The following FSTL4 variants were observed in gnomAD, a reference collection of about 807,000 sequenced individuals.
FSTL4 encodes follistatin like 4.
In FSTL4, 28 loss-of-function variants were observed where a neutral mutation model predicts 78.2. The ratio of observed to expected loss-of-function variants is 0.36; its 90% CI spans 0.27 to 0.49. The LOEUF is 0.49. Among genes scored for constraint, FSTL4 ranks in the 20% least tolerant of loss-of-function variants. FSTL4 has a pLI of 0.98. For synonymous variants in FSTL4, 422 were observed against 440.5 expected (o/e 0.96, Z 0.53); for missense variants, 922 against 1,084.9 (o/e 0.85, Z 2.11).
At chr5:133,671,606 G>A in the FSTL4 span, among the ~76,000 whole-genome samples, 33,269 of 152,158 alleles carry the variant, frequency 0.22, 3,803 homozygotes, top group Middle Eastern at 0.42. Flanking sequence ...CCGAACAAAG[G>A]AGACAGGGTC....
intron 6 of FSTL4, among the ~76,000 whole-genome samples, chr5:133,298,908 G>A (rs1220586753): frequency 1.3e-5 from 2 of 152,360 alleles, no homozygotes; most frequent in East Asian, 1.9e-4. Context: ...GAGCCTTTGT[G>A]GTTGTGCCAT....
chr5:133,221,339 A>C (rs1751095401), intron 11 of FSTL4, among the ~76,000 whole-genome samples: 1 of 152,114 alleles, frequency 6.6e-6, no homozygotes, highest in Non-Finnish European at 1.5e-5. Context: ...CCCTTTGCCC[A>C]AACTCTGTCC....
At chr5:133,299,752 T>C (rs1333976552) in intron 6 of FSTL4, among the ~76,000 whole-genome samples, 1 of 152,084 alleles carries the variant, frequency 6.6e-6, no homozygotes, top group African/African-American at 2.4e-5. Context: ...TGGGAAGGTG[T>C]GTGCACATCT....
chr5:133,343,220 G>C (rs548765766), intron 4 of FSTL4, among the ~76,000 whole-genome samples: 4 of 152,384 alleles, frequency 2.6e-5, no homozygotes, highest in South Asian at 2.1e-4. Flanking sequence ...AAGAGAGAAA[G>C]TTCTGAGTCC....
the FSTL4 span, among the ~76,000 whole-genome samples, chr5:133,810,439 C>T: frequency 3.3e-5 from 5 of 152,166 alleles, no homozygotes; most frequent in Non-Finnish European, 5.9e-5. Context: ...TCTGAAGCTG[C>T]GTTGTTGTCT....
chr5:133,356,304 A>C (rs1216875183), intron 4 of FSTL4, among the ~76,000 whole-genome samples: 2 of 152,194 alleles, frequency 1.3e-5, no homozygotes, highest in South Asian at 2.1e-4. Context: ...TGTGGGCGCC[A>C]AGACAAATTT....
chr5:133,436,282 T>A (rs1757030180), intron 3 of FSTL4, among the ~76,000 whole-genome samples: 1 of 152,144 alleles, frequency 6.6e-6, no homozygotes, highest in African/African-American at 2.4e-5. Context: ...AAGGCTTTCC[T>A]AAGGAGGGGA....
intron 3 of FSTL4, 113 bp downstream of exon 3, chr5:133,567,073 A>G: frequency 2.5e-6 from 2 of 807,104 alleles, no homozygotes; most frequent in Non-Finnish European, 4.4e-6. Context: ...AAAAGGCCGC[A>G]TGAAATTTCA....
intron 1 of FSTL4, among the ~76,000 whole-genome samples, chr5:133,604,636 G>A (rs184835969): frequency 2.6e-5 from 4 of 152,192 alleles, no homozygotes; most frequent in African/African-American, 7.2e-5. Context: ...TTGAACTCGG[G>A]AGGCGGAGGT....
Position 133,516,513 on chromosome 5 carries a change from C to T in FSTL4, c.160+50673G>A, listed in dbSNP as rs543190779. Among the ~76,000 whole-genome samples, 286 of 152,166 alleles carry T rather than the reference C, an allele frequency of 1.9e-3. 2 individuals carry two copies. Among genetic ancestry groups the T allele is most frequent in the African/African-American group, 5.5e-3 (227 of 41,536 alleles). The stretch of plus-strand genomic sequence containing the variant: ...GAGAAAAACAGGAGGGTTGAGTAAA[C>T]GGAGAGACTCTGTGTCCCTGAATAG... On this transcript the variant is annotated intron_variant, in intron 3 of 15. Coordinates refer to ENST00000265342, the MANE Select transcript of FSTL4 (RefSeq NM_015082.2).
chr5:133,352,523 C>T (rs908034701), intron 4 of FSTL4, among the ~76,000 whole-genome samples: 1 of 152,040 alleles, frequency 6.6e-6, no homozygotes, highest in African/African-American at 2.4e-5. Context: ...GATCTTCCCA[C>T]CTCAGCCCCC....
intron 3 of FSTL4, among the ~76,000 whole-genome samples, chr5:133,545,712 G>A (rs1426486726): frequency 6.6e-6 from 1 of 152,172 alleles, no homozygotes; most frequent in Non-Finnish European, 1.5e-5. Context: ...ACAATTTTGT[G>A]AATTGTTCCA....
At chr5:133,207,148 T>C (rs2126766868) in intron 14 of FSTL4, among the ~76,000 whole-genome samples, 1 of 152,328 alleles carries the variant, frequency 6.6e-6, no homozygotes, top group East Asian at 1.9e-4. Context: ...GCTTTCTATG[T>C]TTTTATTAAA....
At chr5:133,653,186 A>T in the FSTL4 span, among the ~76,000 whole-genome samples, 1 of 152,172 alleles carries the variant, frequency 6.6e-6, no homozygotes, top group Non-Finnish European at 1.5e-5. Context: ...ACAATGATGT[A>T]CCTCTGCCTC....
chr5:133,709,158 A>G, the FSTL4 span, among the ~76,000 whole-genome samples: 1 of 152,358 alleles, frequency 6.6e-6, no homozygotes, highest in East Asian at 1.9e-4. Context: ...CCATCTCTTC[A>G]GATTACAGAC....
intron 6 of FSTL4, among the ~76,000 whole-genome samples, chr5:133,293,065 C>A (rs1000711557): frequency 6.6e-6 from 1 of 152,226 alleles, no homozygotes; most frequent in Admixed American, 6.5e-5. Context: ...CTATGGACTG[C>A]GGAGGACCGT....
At chr5:133,564,839 C>T (rs1305436715) in intron 3 of FSTL4, among the ~76,000 whole-genome samples, 7 of 152,164 alleles carry the variant, frequency 4.6e-5, no homozygotes, top group Non-Finnish European at 8.8e-5. Flanking sequence ...CCCCTACTGT[C>T]GCTAGTTCCC....
At chr5:133,652,953 C>T in the FSTL4 span, among the ~76,000 whole-genome samples, 5 of 152,188 alleles carry the variant, frequency 3.3e-5, no homozygotes, top group Non-Finnish European at 5.9e-5. Context: ...AAATTATCCA[C>T]AGACTGAGAT....
At chr5:133,751,221 A>G in the FSTL4 span, among the ~76,000 whole-genome samples, 3 of 152,168 alleles carry the variant, frequency 2.0e-5, no homozygotes, top group Non-Finnish European at 4.4e-5. Flanking sequence ...TTCGACTCCA[A>G]GAAGACCCCA....
Sources: gnomAD v4.1 joint callset for allele counts (sites outside exome capture counted in the v4.1 genomes callset) on GRCh38, gnomAD v4.1.1 for gene constraint, MANE v1.5 for transcripts, NCBI Gene and HGNC (gene_info 2026-07-23, HGNC 2026-07-21) for gene names.